DNAH6: variants seen among roughly 807,000 people sequenced by gnomAD.
The protein encoded by DNAH6 is axonemal beta dynein heavy chain 6.
A neutral mutation model predicts 491.4 loss-of-function variants in DNAH6; 340 were observed. That is an observed-to-expected ratio of 0.69 (90% confidence interval 0.63 to 0.76). The LOEUF (loss-of-function observed/expected upper bound fraction) is 0.76, where lower values mean the gene tolerates loss of function less well. Among genes scored for constraint, DNAH6 ranks in the 30% least tolerant of loss-of-function variants. DNAH6 has a pLI of 0.00. For missense variants in DNAH6, 4,443 were observed against 4,972.2 expected (o/e 0.89, Z 3.20); for synonymous variants, 1,603 against 1,686.1 (o/e 0.95, Z 1.21).
intron 37 of DNAH6, 69 bp downstream of exon 37, chr2:84,659,238 TA>T (rs1461985115): frequency 1.1e-6 from 1 of 937,000 alleles, no homozygotes; most frequent in Non-Finnish European, 1.5e-6. Context: ...ATTAAAACTT[TA>T]AAAGCTTTAG....
chr2:84,658,147 A>T, intron 35 of DNAH6, 145 bp from the exon 36 acceptor site: 1 of 482,136 alleles, frequency 2.1e-6, no homozygotes, highest in Non-Finnish European at 3.4e-6. Context: ...TTAAAATTTA[A>T]TTTGTTTAAT....
Position 84,722,679 on chromosome 2 carries a change from A to G in DNAH6, c.9847A>G (p.Met3283Val). The G allele has an allele frequency of 5.2e-6, 8 of 1,550,864 alleles. No individual in the cohort carries two copies. Among genetic ancestry groups the G allele is most frequent in the Non-Finnish European group, 6.1e-6 (7 of 1,146,636 alleles). The change falls in exon 60 of 77, where the codon ATG (methionine) becomes GTG (valine). Residue 3283 changes from methionine (M) to valine (V), a missense_variant. Met to Val is a conservative substitution (Grantham distance 21). Coordinates refer to ENST00000389394, the MANE Select transcript of DNAH6 (RefSeq NM_001370.2). Reference sequence around the variant, plus strand: ...GGAAGAAGCAGAGTCCACTGAGCAGATGATCAATGTGGCTCGTGAGAAGTA... The same window carrying G: ...GGAAGAAGCAGAGTCCACTGAGCAGGTGATCAATGTGGCTCGTGAGAAGTA... ...RLEEAESTEQ[M>V]INVAREKYRP...
chr2:84,616,243 C>T (rs780193702), intron 22 of DNAH6, among the ~76,000 whole-genome samples: 3 of 152,128 alleles, frequency 2.0e-5, no homozygotes, highest in African/African-American at 7.2e-5. Context: ...TGTTGACTTT[C>T]GGCCTTGATG....
chr2:84,652,060 A>T (rs1690501612), intron 33 of DNAH6, among the ~76,000 whole-genome samples: 1 of 152,014 alleles, frequency 6.6e-6, no homozygotes, highest in Non-Finnish European at 1.5e-5. Flanking sequence ...ATGGACATTT[A>T]GATTTTTTCC....
In DNAH6 at chr2:84,547,564, C is replaced by T. The variant is rs141384152; in HGVS notation, c.1138C>T (p.Arg380Cys). The T allele has an allele frequency of 1.7e-4, 262 of 1,551,762 alleles. 3 individuals carry two copies. In the East Asian group the frequency reaches 5.1e-3, roughly 30 times the overall value. ...VVRRACRFAL[R>C]AAGFVPDDCA... ...CAGGAGGGCTTGTCGATTTGCTTTG[C>T]GTGCTGCAGGATTTGTTCCTGATGA... The change falls in exon 7 of 77, where the codon CGT becomes TGT. Residue 380 changes from arginine (R) to cysteine (C), a missense_variant. By Grantham distance (180) the Arg-to-Cys change is radical. This residue lies in a region of DNAH6 where 2,977 missense variants were observed against 3,296.6 expected (regional missense o/e 0.90). Transcript: ENST00000389394.
At chr2:84,781,802 A>G (rs1676728807) in intron 65 of DNAH6, 149 bp downstream of exon 65, 3 of 969,234 alleles carry the variant, frequency 3.1e-6, no homozygotes, top group Non-Finnish European at 4.3e-6. Flanking sequence ...AGATTTAGCT[A>G]ATTTACACAA....
At chr2:84,508,021 A>T in the DNAH6 span, among the ~76,000 whole-genome samples, 14,269 of 152,168 alleles carry the variant, frequency 0.094, 789 homozygotes, top group Non-Finnish European at 0.12. Context: ...TATTGGTCTA[A>T]AATTCTCTTT....
the DNAH6 span, among the ~76,000 whole-genome samples, chr2:84,461,481 T>C: frequency 6.6e-6 from 1 of 152,198 alleles, no homozygotes; most frequent in African/African-American, 2.4e-5. Context: ...CCACTCATCT[T>C]TGTATGCAGA....
intron 62 of DNAH6, among the ~76,000 whole-genome samples, chr2:84,738,164 T>C (rs1029905520): frequency 2.0e-5 from 3 of 152,124 alleles, no homozygotes; most frequent in Non-Finnish European, 4.4e-5. Context: ...TTTTGAGAGA[T>C]CTTCTGTGTA....
chr2:84,514,268 T>C (rs768455232), upstream of DNAH6, among the ~76,000 whole-genome samples: 9 of 152,222 alleles, frequency 5.9e-5, no homozygotes, highest in Admixed American at 6.5e-5. Flanking sequence ...CTCAAATTCA[T>C]ATAGAAATTT....
At chr2:84,658,999 T>C in intron 36 of DNAH6, 27 bp from the exon 37 acceptor site, 1 of 1,283,122 alleles carries the variant, frequency 7.8e-7, no homozygotes, top group East Asian at 2.6e-5. Context: ...TATAAAATAT[T>C]AAGTCTGTTT....
intron 68 of DNAH6, among the ~76,000 whole-genome samples, chr2:84,788,357 T>A (rs1291314175): frequency 6.6e-6 from 1 of 152,142 alleles, no homozygotes; most frequent in African/African-American, 2.4e-5. Context: ...TGGAAGTAAT[T>A]GTGGAGGTAA....
rs79306141 is a variant in DNAH6, at chr2:84,783,210, C to T, written c.10865-1512C>T. Among the ~76,000 whole-genome samples the T allele has an allele frequency of 5.8e-3, 889 of 152,310 alleles. 21 individuals are homozygous for T. The East Asian group carries it at 0.071, about 12-fold the overall frequency. ...TCCACAGAGTTCTGCCCCACCACTT[C>T]CTGACTGTGCATGTCATATCTTTTT... On this transcript the variant is annotated intron_variant, in intron 65 of 76. Coordinates refer to ENST00000389394, the MANE Select transcript of DNAH6 (RefSeq NM_001370.2).
intron 26 of DNAH6, among the ~76,000 whole-genome samples, chr2:84,622,065 G>A (rs760919458): frequency 1.2e-4 from 18 of 152,120 alleles, no homozygotes; most frequent in African/African-American, 4.1e-4. Flanking sequence ...CATTTAAATA[G>A]CACTAAAACT....
intron 63 of DNAH6, among the ~76,000 whole-genome samples, chr2:84,753,781 T>TAAAAAAAAAAAAAAAA (rs1673712789): frequency 2.4e-5 from 2 of 84,974 alleles, no homozygotes; most frequent in Non-Finnish European, 4.8e-5. Flanking sequence ...AAAAAAAAAG[T>TAAAAAAAAAAAAAAAA]ACAGTTTTGG....
At chr2:84,547,470 G>C (rs1022282290) in intron 6 of DNAH6, 22 bp from the exon 7 acceptor site, 1 of 1,551,430 alleles carries the variant, frequency 6.4e-7, no homozygotes, top group Non-Finnish European at 8.7e-7. Flanking sequence ...ATCACTAACT[G>C]TACATATTCA....
At chr2:84,588,768 T>C in intron 15 of DNAH6, 58 bp from the exon 16 acceptor site, 2 of 1,372,156 alleles carry the variant, frequency 1.5e-6, no homozygotes, top group Non-Finnish European at 1.9e-6. Flanking sequence ...TCATTTAATT[T>C]AATTGGTCTT....
At chr2:84,566,270 A>G (rs1202820022) in intron 11 of DNAH6, among the ~76,000 whole-genome samples, 1 of 152,078 alleles carries the variant, frequency 6.6e-6, no homozygotes, top group Non-Finnish European at 1.5e-5. Flanking sequence ...TCAAATCTCC[A>G]AAGACTAGAT....
intron 64 of DNAH6, among the ~76,000 whole-genome samples, chr2:84,776,371 C>T (rs1676126185): frequency 6.6e-6 from 1 of 152,218 alleles, no homozygotes; most frequent in African/African-American, 2.4e-5. Flanking sequence ...TACCATCTAG[C>T]ATCAGGATAT....
Sources: allele counts gnomAD v4.1 joint callset (sites outside exome capture counted in the v4.1 genomes callset), GRCh38; gene constraint gnomAD v4.1.1; regional missense constraint gnomAD v4.1.1; transcripts MANE v1.5; gene names NCBI Gene and HGNC (gene_info 2026-07-23, HGNC 2026-07-21).